The following RPS6KA5 variants were observed in gnomAD, a reference collection of about 807,000 sequenced individuals.
RPS6KA5 encodes the protein ribosomal protein S6 kinase A5.
In RPS6KA5, 27 loss-of-function variants were observed where a neutral mutation model predicts 85.5. The ratio of observed to expected loss-of-function variants is 0.32; its 90% CI spans 0.23 to 0.44. RPS6KA5 has a LOEUF of 0.44. RPS6KA5 is among the 20% of genes least tolerant of loss of function. The pLI, the probability that RPS6KA5 is intolerant of heterozygous loss-of-function variation, is 1.00. For missense variants in RPS6KA5, 811 were observed against 980.9 expected, an observed-to-expected ratio of 0.83 and a Z score of 2.31; for synonymous variants, 334 against 348.2, an observed-to-expected ratio of 0.96 and a Z score of 0.46.
chr14:90,870,922 C>T lies in RPS6KA5; in HGVS notation c.*1152G>A, dbSNP rs2033068455. ...ACTTGTTTTCTGTATGAATTCAGAACTTTTGAGCAATAAAAGTGCTCTGCA... is the reference window on the plus strand; with the variant it reads ...ACTTGTTTTCTGTATGAATTCAGAATTTTTGAGCAATAAAAGTGCTCTGCA... On this transcript the variant is annotated 3_prime_UTR_variant, in exon 17 of 17. Coordinates refer to ENST00000614987, the MANE Select transcript of RPS6KA5 (RefSeq NM_004755.4). The T allele has an allele frequency of 6.9e-6, 1 of 145,250 alleles. No individual in the cohort carries two copies. Among genetic ancestry groups the T allele is most frequent in the Non-Finnish European group, 1.5e-5 (1 of 66,826 alleles). 9.0% of individuals were successfully genotyped at this position (145,250 alleles called of 1,614,324 possible).
chr14:91,052,596 G>A lies in RPS6KA5; in HGVS notation c.103+7736C>T, dbSNP rs944520936. The A allele has an allele frequency of 5.0e-5, 9 of 178,992 alleles. No homozygotes were observed. In the East Asian group the frequency reaches 7.1e-4, roughly 14 times the overall value. The allele number at this position is 178,992 out of a possible 1,614,324, so 11.1% of individuals were successfully genotyped here. On this transcript the variant is annotated intron_variant, in intron 1 of 16. Transcript: ENST00000614987. Reference sequence around the variant, plus strand: ...TCCCAGTACTTTGGGAGGCCAAGGCGGATGGATCATGAGGTCAGGAGATCG... The same window carrying A: ...TCCCAGTACTTTGGGAGGCCAAGGCAGATGGATCATGAGGTCAGGAGATCG...
chr14:90,981,243 G>A (rs1347502230), intron 2 of RPS6KA5, among the ~76,000 whole-genome samples: 1 of 151,994 alleles, frequency 6.6e-6, no homozygotes, highest in Non-Finnish European at 1.5e-5. Context: ...TATATCCTCT[G>A]GACTTAAAAA....
chr14:90,938,754 C>T (rs1037250775), intron 5 of RPS6KA5, among the ~76,000 whole-genome samples: 4 of 152,206 alleles, frequency 2.6e-5, no homozygotes, highest in African/African-American at 9.6e-5. Context: ...GGAAGCAGGG[C>T]ACCAAGTCCC....
intron 3 of RPS6KA5, among the ~76,000 whole-genome samples, chr14:90,973,447 A>T (rs920192894): frequency 2.6e-5 from 4 of 151,810 alleles, no homozygotes; most frequent in Non-Finnish European, 5.9e-5. Context: ...CCATCTCGAA[A>T]AAAAAAAAAG....
intron 2 of RPS6KA5, among the ~76,000 whole-genome samples, chr14:90,985,365 C>T (rs148078452): frequency 2.6e-4 from 40 of 152,288 alleles, no homozygotes; most frequent in African/African-American, 8.9e-4. Context: ...TGTGTGTACA[C>T]GTTTACATGC....
At position 90,848,605 on chromosome 14, in the gene RPS6KA5, A is replaced by C. The variant is rs1323483895; in HGVS notation, c.*23469T>G. The C allele has an allele frequency of 6.6e-6, 1 of 152,222 alleles. No individual in the cohort carries two copies. The highest frequency in any genetic ancestry group is 1.5e-5 in the Non-Finnish European group (1 of 68,034). 9.4% of individuals were successfully genotyped at this position (152,222 alleles called of 1,614,324 possible). On this transcript the variant is annotated 3_prime_UTR_variant, in exon 17 of 17. Coordinates refer to ENST00000614987, the MANE Select transcript of RPS6KA5 (RefSeq NM_004755.4). Reference sequence around the variant, plus strand: ...AGATACAAAATAAAATTGATCCTTGATGTGAGAATAACTGTATTCCTTGCA... The same window carrying C: ...AGATACAAAATAAAATTGATCCTTGCTGTGAGAATAACTGTATTCCTTGCA...
intron 2 of RPS6KA5, among the ~76,000 whole-genome samples, chr14:90,988,200 T>C (rs1263667661): frequency 1.3e-5 from 2 of 152,252 alleles, no homozygotes; most frequent in African/African-American, 2.4e-5. Context: ...GTGGTTGTTA[T>C]TTCTCTATTT....
At chr14:91,010,632 G>C (rs995769926) in intron 1 of RPS6KA5, among the ~76,000 whole-genome samples, 2 of 152,174 alleles carry the variant, frequency 1.3e-5, no homozygotes, top group Non-Finnish European at 2.9e-5. Flanking sequence ...TTGCATTATA[G>C]GGGTGTGGAT....
intron 2 of RPS6KA5, among the ~76,000 whole-genome samples, chr14:90,996,621 G>A (rs933089914): frequency 6.6e-5 from 10 of 151,884 alleles, no homozygotes; most frequent in Non-Finnish European, 1.5e-4. Flanking sequence ...TAATAATTGG[G>A]TTAATCAAAA....
chr14:90,991,637 G>A (rs572282332), intron 2 of RPS6KA5, among the ~76,000 whole-genome samples: 64 of 143,690 alleles, frequency 4.5e-4, no homozygotes, highest in African/African-American at 1.4e-3. Flanking sequence ...GGGAGGCAGA[G>A]GTTGCAGTGA....
At chr14:91,023,082 T>TA (rs368649949) in intron 1 of RPS6KA5, among the ~76,000 whole-genome samples, 17,121 of 96,312 alleles carry the variant, frequency 0.18, 1,667 homozygotes, top group East Asian at 0.35. Context: ...AAACTCTATC[T>TA]AAAAAAAAAA....
intron 5 of RPS6KA5, among the ~76,000 whole-genome samples, chr14:90,929,920 G>C (rs907946226): frequency 7.9e-5 from 12 of 152,064 alleles, no homozygotes; most frequent in Non-Finnish European, 1.2e-4. Flanking sequence ...GTCTAGGCTG[G>C]AGTGCAGTGG....
At chr14:90,951,621 G>A (rs559049837) in intron 3 of RPS6KA5, among the ~76,000 whole-genome samples, 33 of 152,128 alleles carry the variant, frequency 2.2e-4, no homozygotes, top group Non-Finnish European at 4.6e-4. Flanking sequence ...ATAATAGACT[G>A]GGCACCAAAG....
At position 90,851,404 on chromosome 14, in the gene RPS6KA5, A is replaced by G. The variant is rs1305606591; in HGVS notation, c.*20670T>C. The G allele has an allele frequency of 2.0e-5, 3 of 152,128 alleles. No individual in the cohort carries two copies. Among genetic ancestry groups the G allele is most frequent in the African/African-American group, 7.2e-5 (3 of 41,418 alleles). 9.4% of individuals were successfully genotyped at this position (152,128 alleles called of 1,614,324 possible). On this transcript the variant is annotated 3_prime_UTR_variant, in exon 17 of 17. Coordinates refer to ENST00000614987, the MANE Select transcript of RPS6KA5 (RefSeq NM_004755.4). ...AGTCTTCATTATTAAATATCATTCT[A>G]CCCATCTTTGGAATCAGTGTACCTT...
chr14:90,912,384 T>A (rs2035870677), intron 7 of RPS6KA5, among the ~76,000 whole-genome samples: 1 of 152,166 alleles, frequency 6.6e-6, no homozygotes, highest in African/African-American at 2.4e-5. Context: ...TGGAAACAAG[T>A]GATACCCGTG....
chr14:91,025,059 AG>A (rs1234277570), intron 1 of RPS6KA5, among the ~76,000 whole-genome samples: 3 of 145,104 alleles, frequency 2.1e-5, no homozygotes, highest in Non-Finnish European at 4.5e-5. Flanking sequence ...TTTTTTTTTT[AG>A]GGGGGATGGA....
chr14:90,868,547 C>T lies in RPS6KA5; in HGVS notation c.*3527G>A, dbSNP rs2032904944. On this transcript the variant is annotated 3_prime_UTR_variant, in exon 17 of 17. Coordinates refer to ENST00000614987, the MANE Select transcript of RPS6KA5 (RefSeq NM_004755.4). ...GATCTTAAGGAATATTAGATGTATT[C>T]TCACATGAACACTCAAATCATGCTA... 1 of 152,144 alleles carries T rather than the reference C, an allele frequency of 6.6e-6. No homozygotes were observed. Among genetic ancestry groups the T allele is most frequent in the Admixed American group, 6.6e-5 (1 of 15,258 alleles). 9.4% of individuals were successfully genotyped at this position (152,144 alleles called of 1,614,324 possible). A position where few individuals can be genotyped will look rare whatever the true frequency, so the allele number is the denominator to read the frequency against.
intron 14 of RPS6KA5, among the ~76,000 whole-genome samples, chr14:90,885,446 G>C (rs1415355778): frequency 2.0e-5 from 3 of 146,500 alleles, no homozygotes; most frequent in Non-Finnish European, 4.5e-5. Flanking sequence ...CCAGCTACTT[G>C]GGAGGCTGAG....
chr14:90,903,994 TG>T (rs2035344563), intron 8 of RPS6KA5, among the ~76,000 whole-genome samples: 1 of 151,508 alleles, frequency 6.6e-6, no homozygotes, highest in Admixed American at 6.6e-5. Flanking sequence ...TCGCCCAGGC[TG>T]GAGGGCAGTG....
Sources: allele counts gnomAD v4.1 joint callset (sites outside exome capture counted in the v4.1 genomes callset), GRCh38; gene constraint gnomAD v4.1.1; transcripts MANE v1.5; gene names NCBI Gene and HGNC (gene_info 2026-07-23, HGNC 2026-07-21).